Variants in TENM2 observed in about 807,000 individuals in gnomAD.
TENM2 encodes teneurin-2.
A neutral mutation model predicts 245.2 loss-of-function variants in TENM2; 52 were observed. That is an observed-to-expected ratio of 0.21 (90% confidence interval 0.17 to 0.27). The LOEUF is 0.27. Among genes scored for constraint, TENM2 ranks in the 10% least tolerant of loss-of-function variants. The pLI, the probability that TENM2 is intolerant of heterozygous loss-of-function variation, is 1.00. For synonymous variants in TENM2, 1,363 were observed against 1,438.9 expected (o/e 0.95, Z 1.19); for missense variants, 3,046 against 3,666.8 (o/e 0.83, Z 4.37).
chr5:168,095,772 T>C (rs1274890881), intron 8 of TENM2, among the ~76,000 whole-genome samples: 6 of 152,184 alleles, frequency 3.9e-5, no homozygotes, highest in African/African-American at 4.8e-5. Context: ...CTTACCCTAA[T>C]TGCAAGCTAG....
At chr5:167,769,411 G>A (rs1195628747) in intron 2 of TENM2, among the ~76,000 whole-genome samples, 2 of 152,040 alleles carry the variant, frequency 1.3e-5, no homozygotes, top group Non-Finnish European at 1.5e-5. Context: ...TTGGACACTG[G>A]GGCCTTTTCA....
chr5:168,046,355 T>C (rs1326300982), intron 5 of TENM2, among the ~76,000 whole-genome samples: 2 of 152,226 alleles, frequency 1.3e-5, no homozygotes, highest in Non-Finnish European at 2.9e-5. Context: ...AGTGTCAACC[T>C]GTGTCCAGTG....
At chr5:167,056,966 A>G in the TENM2 span, among the ~76,000 whole-genome samples, 1 of 151,528 alleles carries the variant, frequency 6.6e-6, no homozygotes, top group Admixed American at 6.6e-5. Context: ...CCCATCACAA[A>G]TATGTTACAT....
At chr5:167,428,982 T>G (rs1764044007) in intron 2 of TENM2, among the ~76,000 whole-genome samples, 1 of 152,224 alleles carries the variant, frequency 6.6e-6, no homozygotes, top group Non-Finnish European at 1.5e-5. Flanking sequence ...TAATGTCCTT[T>G]AAGTGTTAAA....
chr5:168,178,712 C>A (rs1759575183), intron 13 of TENM2, among the ~76,000 whole-genome samples: 1 of 152,176 alleles, frequency 6.6e-6, no homozygotes, highest in South Asian at 2.1e-4. Context: ...TTCAGTATTT[C>A]CCTTCATAAG....
chr5:167,113,704 A>C, the TENM2 span, among the ~76,000 whole-genome samples: 6 of 152,126 alleles, frequency 3.9e-5, no homozygotes, highest in African/African-American at 1.4e-4. Flanking sequence ...CTTTATGTAA[A>C]ATTTCTGTAA....
intron 1 of TENM2, among the ~76,000 whole-genome samples, chr5:167,310,459 G>GT (rs899773334): frequency 5.9e-5 from 9 of 151,842 alleles, no homozygotes; most frequent in African/African-American, 2.2e-4. Context: ...CCTGGCACTT[G>GT]TTTTTTTCAA....
In TENM2 at chr5:167,336,744, A is replaced by T. The variant is rs536719712; in HGVS notation, c.227-38454A>T. Among the ~76,000 whole-genome samples, 19 of 151,870 alleles carry T rather than the reference A, an allele frequency of 1.3e-4. No individual in the cohort carries two copies. The East Asian group carries it at 3.5e-3, about 28-fold the overall frequency. The stretch of plus-strand genomic sequence containing the variant: ...AAACTTTTTGAGTGCTGACATAATG[A>T]TGAAAGGAAATGCTAATTAGAGCAT... On this transcript the variant is annotated intron_variant, in intron 1 of 28. Coordinates refer to ENST00000518659, the Ensembl canonical transcript of TENM2.
At chr5:168,053,968 G>A (rs968284476) in intron 6 of TENM2, among the ~76,000 whole-genome samples, 1 of 152,182 alleles carries the variant, frequency 6.6e-6, no homozygotes, top group African/African-American at 2.4e-5. Flanking sequence ...AGTATCAGGA[G>A]ATTACATGGT....
intron 9 of TENM2, among the ~76,000 whole-genome samples, chr5:168,110,951 C>G (rs976687118): frequency 6.6e-6 from 1 of 152,170 alleles, no homozygotes; most frequent in Non-Finnish European, 1.5e-5. Flanking sequence ...TTGCGATCTT[C>G]GTTAACTTCC....
intron 2 of TENM2, among the ~76,000 whole-genome samples, chr5:167,713,708 G>A (rs1304561835): frequency 6.6e-6 from 1 of 152,070 alleles, no homozygotes; most frequent in East Asian, 1.9e-4. Context: ...GAGCACACAT[G>A]CACGTACATG....
At chr5:167,142,592 C>G in the TENM2 span, among the ~76,000 whole-genome samples, 1 of 151,996 alleles carries the variant, frequency 6.6e-6, no homozygotes, top group Non-Finnish European at 1.5e-5. Flanking sequence ...ACTCTTTCAC[C>G]CAGGCTGGAG....
intron 3 of TENM2, among the ~76,000 whole-genome samples, chr5:167,903,511 A>C (rs1447012566): frequency 2.1e-5 from 3 of 140,784 alleles, no homozygotes; most frequent in Non-Finnish European, 4.6e-5. Flanking sequence ...CACCCATGTG[A>C]CAAGGTTTGG....
intron 2 of TENM2, among the ~76,000 whole-genome samples, chr5:167,583,936 A>G (rs1775291321): frequency 6.6e-6 from 1 of 152,198 alleles, no homozygotes; most frequent in Non-Finnish European, 1.5e-5. Flanking sequence ...TTTAGGCCGA[A>G]CATTAAATGT....
chr5:167,965,707 G>C (rs144606549), intron 4 of TENM2: 1 of 152,194 alleles, frequency 6.6e-6, no homozygotes, highest in East Asian at 1.9e-4. Context: ...TTACCTACAG[G>C]ATCCCATTTA....
chr5:167,444,440 A>C (rs577581171), intron 2 of TENM2, among the ~76,000 whole-genome samples: 1 of 152,182 alleles, frequency 6.6e-6, no homozygotes, highest in Non-Finnish European at 1.5e-5. Flanking sequence ...TATAAAACTA[A>C]TGAATTGCTG....
chr5:167,549,538 A>G, intron 2 of TENM2, among the ~76,000 whole-genome samples: 1 of 152,026 alleles, frequency 6.6e-6, no homozygotes, highest in East Asian at 1.9e-4. Context: ...AATATGGAGG[A>G]GTGGGGTTTT....
chr5:168,210,941 AAAC>A (rs1429016651), intron 19 of TENM2, among the ~76,000 whole-genome samples: 8 of 152,324 alleles, frequency 5.3e-5, no homozygotes, highest in Admixed American at 1.3e-4. Context: ...TCTTCCCTTA[AAAC>A]AACAACAAAA....
the TENM2 span, among the ~76,000 whole-genome samples, chr5:167,064,386 T>C: frequency 6.6e-6 from 1 of 152,220 alleles, no homozygotes; most frequent in Admixed American, 6.5e-5. Context: ...AAGCATATCA[T>C]TATGCGTGAG....
Sources: allele counts gnomAD v4.1 joint callset (sites outside exome capture counted in the v4.1 genomes callset), GRCh38; gene constraint gnomAD v4.1.1; transcripts MANE v1.5; gene names NCBI Gene and HGNC (gene_info 2026-07-23, HGNC 2026-07-21).